IPO11: variants seen among roughly 807,000 people sequenced by gnomAD.
IPO11 encodes the protein importin 11.
Under a neutral mutation model 143.2 loss-of-function variants are expected in IPO11, and 66 were observed. The observed-to-expected ratio is 0.46, with a 90% CI of 0.38 to 0.57. IPO11 has a LOEUF of 0.57. IPO11 is among the 20% of genes least tolerant of loss of function. IPO11 has a pLI of 0.00. For synonymous variants in IPO11, 385 were observed against 377.8 expected (o/e 1.02, Z -0.22); for missense variants, 1,026 against 1,141.0 (o/e 0.90, Z 1.45).
At chr5:62,509,708 G>C (rs899825860) in intron 19 of IPO11, among the ~76,000 whole-genome samples, 2 of 152,148 alleles carry the variant, frequency 1.3e-5, no homozygotes, top group African/African-American at 2.4e-5. Flanking sequence ...CTATGAATTA[G>C]ACTATTTTAG....
intron 6 of IPO11, among the ~76,000 whole-genome samples, chr5:62,470,018 A>C (rs1001947481): frequency 5.3e-5 from 8 of 152,216 alleles, no homozygotes; most frequent in Non-Finnish European, 1.2e-4. Context: ...ATCCAGTTTT[A>C]GAAACATGAG....
At chr5:62,575,636 G>T (rs1744289591) in intron 27 of IPO11, among the ~76,000 whole-genome samples, 1 of 152,068 alleles carries the variant, frequency 6.6e-6, no homozygotes, top group Middle Eastern at 3.2e-3. Context: ...CTTATGGTTA[G>T]ATTTATGTAT....
At chr5:62,566,744 A>G (rs1351077905) in intron 27 of IPO11, among the ~76,000 whole-genome samples, 1 of 152,098 alleles carries the variant, frequency 6.6e-6, no homozygotes, top group Admixed American at 6.5e-5. Context: ...TCTCAAAAAA[A>G]AAAAAAAAAG....
At position 62,413,623 on chromosome 5, in the gene IPO11, T is replaced by C. The variant is rs184806997; in HGVS notation, c.-7+694T>C. The stretch of plus-strand genomic sequence containing the variant: ...GATTTGACTAAATAGCAAGGACTGG[T>C]AAATTACCTACTAGTGCCAAGGTTG... On this transcript the variant is annotated intron_variant, in intron 1 of 29. Transcript: ENST00000325324. 1.8e-3 allele frequency among the ~76,000 whole-genome samples: 269 copies of C among 152,336 alleles called. 8 individuals are homozygous for C. The highest frequency in any genetic ancestry group is 6.6e-4 in the Non-Finnish European group (45 of 68,036).
intron 26 of IPO11, among the ~76,000 whole-genome samples, chr5:62,556,978 T>A (rs1042560038): frequency 4.6e-5 from 7 of 152,180 alleles, no homozygotes; most frequent in Admixed American, 4.6e-4. Context: ...GGGCTCAGTA[T>A]TCTTGTTAGA....
chr5:62,454,518 T>G (rs754183382), intron 5 of IPO11, among the ~76,000 whole-genome samples: 4 of 152,234 alleles, frequency 2.6e-5, no homozygotes, highest in Non-Finnish European at 4.4e-5. Flanking sequence ...ACAGGTATAC[T>G]TTATATTTAG....
intron 16 of IPO11, among the ~76,000 whole-genome samples, chr5:62,500,329 A>G (rs768909792): frequency 2.6e-5 from 4 of 152,166 alleles, no homozygotes; most frequent in Non-Finnish European, 4.4e-5. Context: ...ATACCTACTG[A>G]AGGACCTGCC....
In IPO11 at chr5:62,601,120, TC is replaced by T. The variant is rs1745491411; in HGVS notation, c.2679-642del. 2 of 152,234 alleles carry T rather than the reference TC, an allele frequency of 1.3e-5. 1 individual carries two copies. The highest frequency in any genetic ancestry group is 4.1e-4 in the South Asian group (2 of 4,834). 9.4% of individuals were successfully genotyped at this position (152,234 alleles called of 1,614,324 possible). A position where few individuals can be genotyped will look rare whatever the true frequency, so the allele number is the denominator to read the frequency against. On this transcript the variant is annotated intron_variant, in intron 28 of 29. Coordinates refer to ENST00000325324, the MANE Select transcript of IPO11 (RefSeq NM_016338.5). ...ACAAGTTAGGAAACAGTGGGATTGT[TC>T]CATCAGTTTGATTCACTAGACAGTG...
intron 28 of IPO11, among the ~76,000 whole-genome samples, chr5:62,597,062 T>C (rs1236098995): frequency 6.6e-6 from 1 of 152,210 alleles, no homozygotes; most frequent in African/African-American, 2.4e-5. Flanking sequence ...TTACTGCTAA[T>C]ATACAATATT....
At chr5:62,464,143 G>GTTTTTTTTTTT (rs34056674) in intron 5 of IPO11, among the ~76,000 whole-genome samples, 7 of 78,682 alleles carry the variant, frequency 8.9e-5, no homozygotes, top group African/African-American at 3.7e-4. Context: ...GTTTTTGGTG[G>GTTTTTTTTTTT]TTTTTTTTTT....
At position 62,459,148 on chromosome 5, in the gene IPO11, C is replaced by T. The variant is rs565215947; in HGVS notation, c.516+7215C>T. 4.6e-5 allele frequency among the ~76,000 whole-genome samples: 7 copies of T among 151,626 alleles called. No homozygotes were observed. The East Asian group carries it at 1.4e-3, about 29-fold the overall frequency. ...AGTTGATATTTTGGATACATGAGAA[C>T]AGTGTGTAGGCATTAAGTGGCTGAA... On this transcript the variant is annotated intron_variant, in intron 5 of 29. Coordinates refer to ENST00000325324, the MANE Select transcript of IPO11 (RefSeq NM_016338.5).
intron 1 of IPO11, among the ~76,000 whole-genome samples, chr5:62,430,203 A>G (rs1743928553): frequency 1.3e-5 from 2 of 152,230 alleles, no homozygotes; most frequent in Admixed American, 6.5e-5. Context: ...GTCCAAAGGT[A>G]GAATTGCTAT....
intron 1 of IPO11, chr5:62,419,210 G>C: frequency 7.0e-7 from 1 of 1,432,066 alleles, no homozygotes; most frequent in South Asian, 1.4e-5. Context: ...TGGTACATCT[G>C]TACAGGGCAC....
chr5:62,472,717 C>T (rs921842311), intron 7 of IPO11, among the ~76,000 whole-genome samples: 1 of 151,776 alleles, frequency 6.6e-6, no homozygotes, highest in Non-Finnish European at 1.5e-5. Context: ...TTGGTAGAGA[C>T]GGGGTTTCAC....
At chr5:62,472,746 C>T (rs1240904313) in intron 7 of IPO11, among the ~76,000 whole-genome samples, 2 of 152,040 alleles carry the variant, frequency 1.3e-5, no homozygotes. Context: ...CCAGGCTGGT[C>T]TCGAACTCCT....
chr5:62,539,900 C>T (rs994334820), intron 24 of IPO11, among the ~76,000 whole-genome samples: 24 of 152,288 alleles, frequency 1.6e-4, no homozygotes, highest in Admixed American at 1.0e-3. Flanking sequence ...GGAATTAATA[C>T]GTTGGACTTA....
intron 27 of IPO11, chr5:62,580,623 A>C: frequency 6.4e-7 from 1 of 1,551,502 alleles, no homozygotes; most frequent in African/African-American, 1.4e-5. Flanking sequence ...GTGGCAGAGC[A>C]TTACGTTATA....
chr5:62,425,380 C>T (rs1258281770), intron 1 of IPO11, among the ~76,000 whole-genome samples: 3 of 152,096 alleles, frequency 2.0e-5, no homozygotes, highest in Non-Finnish European at 4.4e-5. Context: ...TACAATGGTG[C>T]AATCTCGGCT....
chr5:62,510,763 T>G (rs145239024), intron 19 of IPO11, among the ~76,000 whole-genome samples: 171 of 152,222 alleles, frequency 1.1e-3, no homozygotes, highest in African/African-American at 3.7e-3. Context: ...TGAGATGGAG[T>G]CTTGCTTTGT....
Sources: gnomAD v4.1 joint callset for allele counts (sites outside exome capture counted in the v4.1 genomes callset) on GRCh38, gnomAD v4.1.1 for gene constraint, MANE v1.5 for transcripts, NCBI Gene and HGNC (gene_info 2026-07-23, HGNC 2026-07-21) for gene names.